TMC6: variants seen among roughly 807,000 people sequenced by gnomAD.
TMC6 encodes transmembrane channel like 6.
Under a neutral mutation model 95.4 loss-of-function variants are expected in TMC6, and 71 were observed. The observed-to-expected ratio is 0.74, with a 90% CI of 0.61 to 0.91. The LOEUF is 0.91. Among genes scored for constraint, TMC6 ranks in the 40% least tolerant of loss-of-function variants. TMC6 has a pLI of 0.00. For synonymous variants in TMC6, 514 were observed against 483.1 expected, an observed-to-expected ratio of 1.06 and a Z score of -0.84; for missense variants, 1,074 against 1,079.1, an observed-to-expected ratio of 1.00 and a Z score of 0.07.
upstream of TMC6, chr17:78,132,350 C>T (rs368906618): frequency 3.5e-5 from 56 of 1,612,576 alleles, no homozygotes; most frequent in Non-Finnish European, 4.7e-5. Flanking sequence ...CCCTGCTCTC[C>T]CACTGCAGGC....
In TMC6 at chr17:78,113,133, C is replaced by T; in HGVS notation, c.*15G>A. 1 of 1,551,656 alleles carries T rather than the reference C, an allele frequency of 6.4e-7. No individual in the cohort carries two copies. Among genetic ancestry groups the T allele is most frequent in the Non-Finnish European group, 8.7e-7 (1 of 1,147,290 alleles). On this transcript the variant is annotated 3_prime_UTR_variant, in exon 20 of 20. Transcript: ENST00000590602. ...CAGGGTGCTGGGCGGGCCCGTGAGG[C>T]CCATCGCCGTCCCCCTAGGCATCCT...
At chr17:78,126,468 G>A (rs999180870) in intron 3 of TMC6, 56 bp downstream of exon 3, 82 of 1,610,240 alleles carry the variant, frequency 5.1e-5, no homozygotes, top group Non-Finnish European at 6.8e-5. Flanking sequence ...CCGTCCTGAG[G>A]GGCTGGGGCA....
At chr17:78,116,993 G>A (rs934901151) in intron 18 of TMC6, among the ~76,000 whole-genome samples, 2 of 152,176 alleles carry the variant, frequency 1.3e-5, no homozygotes, top group African/African-American at 4.8e-5. Context: ...AACCCTCAGC[G>A]GGGCCACACC....
chr17:78,116,318 C>T (rs188768720), intron 18 of TMC6, among the ~76,000 whole-genome samples: 115 of 150,970 alleles, frequency 7.6e-4, no homozygotes, highest in Middle Eastern at 3.4e-3. Flanking sequence ...TCACTGTCAC[C>T]CAGGCTGGAG....
In TMC6 at chr17:78,122,830, G is replaced by C; in HGVS notation, c.1083-81C>G. 4 of 1,547,222 alleles carry C rather than the reference G, an allele frequency of 2.6e-6. No individual in the cohort carries two copies. The highest frequency in any genetic ancestry group is 3.5e-6 in the Non-Finnish European group (4 of 1,152,696). ...GGGGAGAAGGCAGACCGGATGCTCTGGGCAGCCAGACCCCACCACCCACTC... is the reference window on the plus strand; with the variant it reads ...GGGGAGAAGGCAGACCGGATGCTCTCGGCAGCCAGACCCCACCACCCACTC... On this transcript the variant is annotated intron_variant, in intron 9 of 19. Transcript: ENST00000590602. This position sits in a 1 kb window ranked among gnomAD's most constrained non-coding sequence, Gnocchi z 4.9.
At chr17:78,131,773 G>T (rs533585445), upstream of TMC6, 8 of 1,559,886 alleles carry the variant, frequency 5.1e-6, no homozygotes, top group African/African-American at 1.1e-4. Context: ...GTGCGTGGGG[G>T]GGGTGCTGCG....
At chr17:78,123,271 C>G (rs984731615) in intron 9 of TMC6, 8 of 266,598 alleles carry the variant, frequency 3.0e-5, no homozygotes, top group East Asian at 1.0e-4. Context: ...AGCAAGCCCC[C>G]CTAGGACATT....
chr17:78,123,698 GGGGGGTGAATTGA>G (rs2145310019), intron 9 of TMC6, among the ~76,000 whole-genome samples: 1 of 149,272 alleles, frequency 6.7e-6, no homozygotes, highest in Non-Finnish European at 1.5e-5. Flanking sequence ...TGGGTGGATG[GGGGGGTGAATTGA>G]GTGGGTAGAT....
chr17:78,118,273 A>T, intron 15 of TMC6: 1 of 416,398 alleles, frequency 2.4e-6, no homozygotes, highest in Admixed American at 3.8e-5. Flanking sequence ...AGGAGCCAGG[A>T]TGGCCAGGTG....
Position 78,110,587 on chromosome 17 carries a change from C to T in TMC6, c.*2561G>A, listed in dbSNP as rs1457513053. The T allele has an allele frequency of 6.6e-6, 1 of 152,224 alleles. No homozygotes were observed. Among genetic ancestry groups the T allele is most frequent in the Non-Finnish European group, 1.5e-5 (1 of 68,038 alleles). The allele number at this position is 152,224 out of a possible 1,614,324, so 9.4% of individuals were successfully genotyped here. ...CAAGTACCAGTGTTTTTAAAACCTC[C>T]CTGGTAGATTCCGTTGTGCAGCCCA... On this transcript the variant is annotated 3_prime_UTR_variant, in exon 20 of 20. Transcript: ENST00000590602.
At position 78,107,604 on chromosome 17, in the gene TMC6, A is replaced by G. The variant is rs1444204773; in HGVS notation, c.*5544T>C. 6.6e-6 allele frequency: 1 copy of G among 152,172 alleles called. No individual in the cohort carries two copies. Among genetic ancestry groups the G allele is most frequent in the Non-Finnish European group, 1.5e-5 (1 of 68,022 alleles). The allele number at this position is 152,172 out of a possible 1,614,324, so 9.4% of individuals were successfully genotyped here. ...GTACCTCTCTCACGAGTGAACTCAGATTTTCCATTGTTTTGCTTTATTCTA... is the reference window on the plus strand; with the variant it reads ...GTACCTCTCTCACGAGTGAACTCAGGTTTTCCATTGTTTTGCTTTATTCTA... On this transcript the variant is annotated 3_prime_UTR_variant, in exon 20 of 20. Coordinates refer to ENST00000590602, the MANE Select transcript of TMC6 (RefSeq NM_001127198.5).
intron 5 of TMC6, 60 bp downstream of exon 5, chr17:78,125,666 C>G: frequency 6.5e-7 from 1 of 1,545,710 alleles, no homozygotes; most frequent in East Asian, 2.4e-5. Flanking sequence ...CCAGGCTGGC[C>G]TCTTGCACCC....
chr17:78,132,241 C>A, upstream of TMC6: 1 of 1,417,574 alleles, frequency 7.1e-7, no homozygotes, highest in Non-Finnish European at 9.7e-7. Context: ...CCTCCGGACT[C>A]GGGCGGGTGG....
chr17:78,125,656 C>G, intron 5 of TMC6, 70 bp downstream of exon 5: 5 of 1,540,256 alleles, frequency 3.2e-6, no homozygotes, highest in Non-Finnish European at 4.4e-6. Flanking sequence ...ACCGCCCAGG[C>G]CAGGCTGGCC....
At position 78,121,281 on chromosome 17, in the gene TMC6, G is replaced by C. The variant is rs996274107; in HGVS notation, c.1384-117C>G. On this transcript the variant is annotated intron_variant, in intron 11 of 19. Transcript: ENST00000590602. This position sits in a 1 kb window ranked among gnomAD's most constrained non-coding sequence, Gnocchi z 5.6. ...GTAGCACCTCCCTCCTCCAAGATCT[G>C]GCCCTCCCCAGGCCTCAAGTTCAAA... 4.1e-6 allele frequency: 6 copies of C among 1,481,110 alleles called. No homozygotes were observed. Among genetic ancestry groups the C allele is most frequent in the Non-Finnish European group, 5.5e-6 (6 of 1,099,784 alleles). The allele number at this position is 1,481,110 out of a possible 1,614,324, so 91.7% of individuals were successfully genotyped here.
At chr17:78,123,027 G>C (rs1182938048) in intron 9 of TMC6, 2 of 548,134 alleles carry the variant, frequency 3.6e-6, no homozygotes, top group Non-Finnish European at 6.6e-6. Context: ...ACATGGACCA[G>C]AAGATGCTGG....
chr17:78,124,336 C>G (rs2074584697), intron 8 of TMC6, 157 bp from the exon 9 acceptor site: 1 of 1,327,990 alleles, frequency 7.5e-7, no homozygotes, highest in Non-Finnish European at 1.0e-6. Context: ...GCCTCCAGCC[C>G]CATGGGAACC....
At position 78,108,950 on chromosome 17, in the gene TMC6, T is replaced by TCTTCCGACCAGCAAG. The variant is rs142689353; in HGVS notation, c.*4197_*4198insCTTGCTGGTCGGAAG. 4 of 159,334 alleles carry TCTTCCGACCAGCAAG rather than the reference T, an allele frequency of 2.5e-5. No individual in the cohort carries two copies. Among genetic ancestry groups the TCTTCCGACCAGCAAG allele is most frequent in the African/African-American group, 7.2e-5 (3 of 41,558 alleles). The allele number at this position is 159,334 out of a possible 1,614,324, so 9.9% of individuals were successfully genotyped here. A position where few individuals can be genotyped will look rare whatever the true frequency, so the allele number is the denominator to read the frequency against. On this transcript the variant is annotated 3_prime_UTR_variant, in exon 20 of 20. Coordinates refer to ENST00000590602, the MANE Select transcript of TMC6 (RefSeq NM_001127198.5). ...TGACCTCAAGGTTAAGCTCCAGCGA[T>TCTTCCGACCAGCAAG]CTTCCGACCTCAGCCTCCCAAGTAG...
chr17:78,132,369 C>T (rs1219215527), upstream of TMC6: 5 of 1,612,940 alleles, frequency 3.1e-6, no homozygotes, highest in African/African-American at 5.3e-5. Context: ...GCCTCTTCGG[C>T]ACAGGAATTC....
Sources: allele counts gnomAD v4.1 joint callset (sites outside exome capture counted in the v4.1 genomes callset), GRCh38; gene constraint gnomAD v4.1.1; non-coding constraint Gnocchi (gnomAD v3.1); transcripts MANE v1.5; gene names NCBI Gene and HGNC (gene_info 2026-07-23, HGNC 2026-07-21).